HHIP: variants seen among roughly 807,000 people sequenced by gnomAD.
HHIP encodes hedgehog-interacting protein.
In HHIP, 12 loss-of-function variants were observed where a neutral mutation model predicts 74.0. The ratio of observed to expected loss-of-function variants is 0.16; its 90% CI spans 0.10 to 0.26. HHIP has a LOEUF of 0.26. Ranked by LOEUF, HHIP falls within the 10% of genes least tolerant of loss-of-function variation. The pLI, the probability that HHIP is intolerant of heterozygous loss-of-function variation, is 1.00. For missense variants in HHIP, 788 were observed against 845.0 expected (o/e 0.93, Z 0.84); for synonymous variants, 309 against 311.6 (o/e 0.99, Z 0.09).
chr4:144,732,480 A>C (rs111875626), intron 11 of HHIP, among the ~76,000 whole-genome samples: 3,069 of 152,270 alleles, frequency 0.02, 105 homozygotes, highest in African/African-American at 0.069. Context: ...ATGTTTGGTG[A>C]AAAGTAGTCA....
chr4:144,652,494 T>A, intron 1 of HHIP, 111 bp from the exon 2 acceptor site: 1 of 674,072 alleles, frequency 1.5e-6, no homozygotes, highest in South Asian at 1.8e-5. Context: ...TTCAAAAAAC[T>A]TCATTGGCTA....
Position 144,737,772 on chromosome 4 carries a change from G to A in HHIP, c.1918G>A (p.Glu640Lys). ...EGDFCRTAKC[E>K]PACRHGGVCV... is the part of the protein sequence containing the mutation. ...CTCTTTTTCTCTCCCAGCAAAATGT[G>A]AGCCAGCATGTCGTCATGGAGGTGT... Residue 640 changes from glutamate to lysine, a missense_variant, in exon 13 of 13, where the codon GAG (glutamate) becomes AAG (lysine). Glu to Lys is a moderately conservative substitution (Grantham distance 56, BLOSUM62 1). This residue lies in a region of HHIP where 343 missense variants were observed against 347.9 expected (regional missense o/e 0.99). Coordinates refer to ENST00000296575, the MANE Select transcript of HHIP (RefSeq NM_022475.3). 6.2e-7 allele frequency: 1 copy of A among 1,602,984 alleles called. No homozygotes were observed. Among genetic ancestry groups the A allele is most frequent in the Non-Finnish European group, 8.5e-7 (1 of 1,173,648 alleles).
chr4:144,696,553 CTTCTT>C (rs1729823597), intron 4 of HHIP, among the ~76,000 whole-genome samples: 1 of 151,962 alleles, frequency 6.6e-6, no homozygotes, highest in Admixed American at 6.6e-5. Context: ...AATACAGTCT[CTTCTT>C]TTTTTGTTCA....
At chr4:144,708,395 C>T (rs1730206878) in intron 7 of HHIP, 84 bp downstream of exon 7, 3 of 1,412,344 alleles carry the variant, frequency 2.1e-6, no homozygotes, top group African/African-American at 2.8e-5. Context: ...AGAGCATATA[C>T]CATCACAGAG....
chr4:144,704,854 T>C (rs768914156), intron 4 of HHIP, among the ~76,000 whole-genome samples: 1 of 152,196 alleles, frequency 6.6e-6, no homozygotes, highest in Non-Finnish European at 1.5e-5. Flanking sequence ...TTACATATCC[T>C]AGCTTCCAGT....
intron 4 of HHIP, among the ~76,000 whole-genome samples, chr4:144,668,208 T>C (rs1440207837): frequency 6.6e-6 from 1 of 151,840 alleles, no homozygotes; most frequent in East Asian, 1.9e-4. Flanking sequence ...TCCCAGCTAC[T>C]TGGGAAGCTG....
At chr4:144,720,158 A>AT (rs962253047) in intron 11 of HHIP, among the ~76,000 whole-genome samples, 3 of 152,124 alleles carry the variant, frequency 2.0e-5, no homozygotes, top group African/African-American at 4.8e-5. Flanking sequence ...TACTATAGTG[A>AT]TTTTTTTTCC....
chr4:144,703,267 C>CT, intron 4 of HHIP, among the ~76,000 whole-genome samples: 1 of 151,600 alleles, frequency 6.6e-6, no homozygotes, highest in East Asian at 1.9e-4. Flanking sequence ...AAAGGCAAGA[C>CT]TGCCTGAATC....
chr4:144,648,719 G>C (rs1368373740), intron 1 of HHIP: 1 of 152,188 alleles, frequency 6.6e-6, no homozygotes, highest in Non-Finnish European at 1.5e-5. Context: ...AACTCTTCCA[G>C]AGACATGTGG....
chr4:144,687,871 G>A (rs1729533244), intron 4 of HHIP, among the ~76,000 whole-genome samples: 1 of 145,770 alleles, frequency 6.9e-6, no homozygotes, highest in Non-Finnish European at 1.5e-5. Flanking sequence ...GTTAGGAATG[G>A]AAATCCACCT....
At chr4:144,732,527 T>C (rs1160574140) in intron 11 of HHIP, among the ~76,000 whole-genome samples, 2 of 152,162 alleles carry the variant, frequency 1.3e-5, no homozygotes, top group East Asian at 3.9e-4. Flanking sequence ...GAAACAGGGG[T>C]CAGACACTCT....
intron 1 of HHIP, among the ~76,000 whole-genome samples, chr4:144,652,020 T>C (rs1042339667): frequency 6.6e-6 from 1 of 152,124 alleles, no homozygotes; most frequent in Non-Finnish European, 1.5e-5. Flanking sequence ...GATTTCACTT[T>C]GGATATTATT....
chr4:144,704,153 T>A (rs1001919920), intron 4 of HHIP, among the ~76,000 whole-genome samples: 1 of 152,184 alleles, frequency 6.6e-6, no homozygotes, highest in African/African-American at 2.4e-5. Flanking sequence ...TCTAGGATAT[T>A]TATATAATAC....
At chr4:144,663,668 TG>T (rs1433199163) in intron 4 of HHIP, among the ~76,000 whole-genome samples, 4 of 152,132 alleles carry the variant, frequency 2.6e-5, no homozygotes. Context: ...AAATACCATT[TG>T]AAAAAAATGG....
chr4:144,740,072 T>A lies in HHIP; in HGVS notation c.*2115T>A, dbSNP rs926112646. On this transcript the variant is annotated 3_prime_UTR_variant, in exon 13 of 13. Coordinates refer to ENST00000296575, the MANE Select transcript of HHIP (RefSeq NM_022475.3). ...TTCAACGTGGGTGACATTAACAAAA[T>A]GTGAACTTCTTGTGAGGGAGCCAGC... 1 of 152,204 alleles carries A rather than the reference T, an allele frequency of 6.6e-6. No homozygotes were observed. Among genetic ancestry groups the A allele is most frequent in the Non-Finnish European group, 1.5e-5 (1 of 68,042 alleles). The allele number at this position is 152,204 out of a possible 1,614,324, so 9.4% of individuals were successfully genotyped here.
chr4:144,718,188 G>C (rs1730517050), intron 10 of HHIP, among the ~76,000 whole-genome samples: 1 of 152,158 alleles, frequency 6.6e-6, no homozygotes, highest in Non-Finnish European at 1.5e-5. Flanking sequence ...GTTGGGAGTT[G>C]GGGAAGGTGC....
intron 10 of HHIP, 148 bp from the exon 11 acceptor site, chr4:144,718,727 A>T: frequency 1.5e-6 from 1 of 658,344 alleles, no homozygotes; most frequent in Non-Finnish European, 2.8e-6. Context: ...GTAAAGGCAG[A>T]CATGTGAGAC....
chr4:144,675,577 A>G (rs988355455), intron 4 of HHIP, among the ~76,000 whole-genome samples: 3 of 152,130 alleles, frequency 2.0e-5, no homozygotes, highest in Non-Finnish European at 4.4e-5. Flanking sequence ...CTAATATTTG[A>G]TAGGGCAGTA....
In HHIP at chr4:144,740,760, C is replaced by G. The variant is rs1560728119; in HGVS notation, c.*2803C>G. The G allele has an allele frequency of 6.6e-6, 1 of 152,046 alleles. No homozygotes were observed. The highest frequency in any genetic ancestry group is 2.1e-4 in the South Asian group (1 of 4,814). The allele number at this position is 152,046 out of a possible 1,614,324, so 9.4% of individuals were successfully genotyped here. Reference sequence around the variant, plus strand: ...CTGTTCAGTTCATAAAGCACACAGTCTCGAATGGAAGAAAAAAAGGTCCTT... The same window carrying G: ...CTGTTCAGTTCATAAAGCACACAGTGTCGAATGGAAGAAAAAAAGGTCCTT... On this transcript the variant is annotated 3_prime_UTR_variant, in exon 13 of 13. Coordinates refer to ENST00000296575, the MANE Select transcript of HHIP (RefSeq NM_022475.3).
Sources: allele counts gnomAD v4.1 joint callset (sites outside exome capture counted in the v4.1 genomes callset), GRCh38; gene constraint gnomAD v4.1.1; regional missense constraint gnomAD v4.1.1; transcripts MANE v1.5; gene names NCBI Gene and HGNC (gene_info 2026-07-23, HGNC 2026-07-21).